CPNE7: variants seen among roughly 807,000 people sequenced by gnomAD.
The protein encoded by CPNE7 is copine-7.
Under a neutral mutation model 66.5 loss-of-function variants are expected in CPNE7, and 78 were observed. The ratio of observed to expected loss-of-function variants is 1.17; its 90% CI spans 0.98 to 1.42. The LOEUF is 1.42. Ranked by LOEUF, CPNE7 falls within the 40% of genes most tolerant of loss-of-function variation. The probability of loss-of-function intolerance (pLI) is 0.00; values close to 1 mark genes in which losing one functional copy is unlikely to be tolerated. For missense variants in CPNE7, 1,012 were observed against 776.6 expected (o/e 1.30, Z -3.60); for synonymous variants, 468 against 336.7 (o/e 1.39, Z -4.27).
At chr16:89,587,675 C>T (rs185450745) in intron 9 of CPNE7, 89 of 406,514 alleles carry the variant, frequency 2.2e-4, no homozygotes, top group African/African-American at 1.5e-3. Context: ...CCGCAGACCC[C>T]GCGTCACCCA....
chr16:89,580,285 A>G (rs1226027003), intron 2 of CPNE7, among the ~76,000 whole-genome samples: 62 of 118,476 alleles, frequency 5.2e-4, no homozygotes, highest in African/African-American at 2.1e-3. Flanking sequence ...CATCTCACCC[A>G]TCACACGGAA....
At chr16:89,583,622 G>C in intron 2 of CPNE7, 75 bp from the exon 3 acceptor site, 1 of 1,608,826 alleles carries the variant, frequency 6.2e-7, no homozygotes. Flanking sequence ...GAGTCCGGGT[G>C]AGGGCGCGGT....
rs1476073549 is a variant in CPNE7 at position 89,580,427 on chromosome 16, A to G, written c.357+2706A>G. 1.9e-4 allele frequency among the ~76,000 whole-genome samples: 23 copies of G among 121,064 alleles called. 1 individual carries two copies. The highest frequency in any genetic ancestry group is 4.8e-4 in the African/African-American group (15 of 31,114). The allele number at this position is 121,064 out of a possible 152,430, so 79.4% of individuals were successfully genotyped here. A position where few individuals can be genotyped will look rare whatever the true frequency, so the allele number is the denominator to read the frequency against. On this transcript the variant is annotated intron_variant, in intron 2 of 14. Coordinates refer to ENST00000319518, the MANE Select transcript of CPNE7 (RefSeq NM_153636.3). ...CGTCACACGGAACATCCCATCACCC[A>G]TCACACAGAACATCTCACCCATCAC...
intron 9 of CPNE7, among the ~76,000 whole-genome samples, chr16:89,588,227 G>A (rs1448722093): frequency 1.5e-4 from 22 of 150,822 alleles, no homozygotes; most frequent in South Asian, 8.4e-4. Flanking sequence ...ACAGATACAC[G>A]GCCCCCGTGT....
Position 89,592,505 on chromosome 16 carries a change from C to T in CPNE7, c.1302+1245C>T, listed in dbSNP as rs142359440. ...CTCTGTCACCCAAGCTGTAGTGGTG[C>T]AATCTCGGCTCACTGCAAGCTCCAC... is the stretch of plus-strand genomic sequence containing the variant. On this transcript the variant is annotated intron_variant, in intron 13 of 14. Coordinates refer to ENST00000319518, the MANE Select transcript of CPNE7 (RefSeq NM_153636.3). Among the ~76,000 whole-genome samples, 142 of 147,712 alleles carry T rather than the reference C, an allele frequency of 9.6e-4. 2 individuals are homozygous for T. The East Asian group carries it at 0.024, about 25-fold the overall frequency.
intron 7 of CPNE7, 149 bp from the exon 8 acceptor site, chr16:89,586,521 C>A: frequency 1.6e-6 from 1 of 630,570 alleles, no homozygotes; most frequent in African/African-American, 1.8e-5. Flanking sequence ...CCACTCTGCC[C>A]CTTCCTGCTG....
At position 89,591,099 on chromosome 16, in the gene CPNE7, G is replaced by A. The variant is rs375803438; in HGVS notation, c.1169-28G>A. On this transcript the variant is annotated intron_variant, in intron 12 of 14. Coordinates refer to ENST00000319518, the MANE Select transcript of CPNE7 (RefSeq NM_153636.3). ...AGGCCTGGGGAGGGGAGTGCAGGGG[G>A]GCCGGGCTCACCCCCTGCCCCCCAC... 2.5e-5 allele frequency: 40 copies of A among 1,613,178 alleles called. No individual in the cohort carries two copies. In the Middle Eastern group the frequency reaches 4.9e-4, roughly 20 times the overall value.
rs376515862 is a variant in CPNE7 at position 89,595,540 on chromosome 16, C to T, written c.1476C>T (p.Ser492=). Residue 492 remains serine, a synonymous_variant, in exon 14 of 15, where the codon TCC becomes TCT. Coordinates refer to ENST00000319518, the MANE Select transcript of CPNE7 (RefSeq NM_153636.3). ...VLDGDDGVLR[S]PRGEPALRDI... is the part of the protein sequence containing the mutation. Reference sequence around the variant, plus strand: ...ACGGCGACGACGGCGTCCTGCGCTCCCCACGGGGTGAGCCCGCGCTCCGGG... The same window carrying T: ...ACGGCGACGACGGCGTCCTGCGCTCTCCACGGGGTGAGCCCGCGCTCCGGG... 5.6e-6 allele frequency: 9 copies of T among 1,612,332 alleles called. No individual in the cohort carries two copies. The African/African-American group carries it at 1.1e-4, about 19-fold the overall frequency.
At chr16:89,585,187 ATCTATT>A (rs1316412672) in intron 5 of CPNE7, among the ~76,000 whole-genome samples, 1 of 152,206 alleles carries the variant, frequency 6.6e-6, no homozygotes, top group Non-Finnish European at 1.5e-5. Flanking sequence ...GTGAAAATGA[ATCTATT>A]TAAGGAAGAG....
In CPNE7 at chr16:89,583,774, G is replaced by A. The variant is rs1385706277; in HGVS notation, c.432+3G>A. 2 of 1,612,608 alleles carry A rather than the reference G, an allele frequency of 1.2e-6. No individual in the cohort carries two copies. Among genetic ancestry groups the A allele is most frequent in the South Asian group, 2.2e-5 (2 of 91,082 alleles). ...ACGCTGGCAAGTCCACCATCACGGTGAGACCCGGGCGCACCCCTGCAGCCT... is the reference window on the plus strand; with the variant it reads ...ACGCTGGCAAGTCCACCATCACGGTAAGACCCGGGCGCACCCCTGCAGCCT... On this transcript the variant is annotated splice_donor_region_variant and intron_variant, in intron 3 of 14. Transcript: ENST00000319518.
chr16:89,578,309 T>C lies in CPNE7; in HGVS notation c.357+588T>C, dbSNP rs148742203. 7.4e-3 allele frequency among the ~76,000 whole-genome samples: 1,127 copies of C among 151,898 alleles called. 19 individuals carry two copies. Among genetic ancestry groups the C allele is most frequent in the African/African-American group, 0.026 (1,073 of 41,482 alleles). ...TGAAATCCTGACCTCGTGATCCGCCTGCCTTGTCCTCCCAAAGTGCTGGGA... is the reference window on the plus strand; with the variant it reads ...TGAAATCCTGACCTCGTGATCCGCCCGCCTTGTCCTCCCAAAGTGCTGGGA... On this transcript the variant is annotated intron_variant, in intron 2 of 14. Coordinates refer to ENST00000319518, the MANE Select transcript of CPNE7 (RefSeq NM_153636.3).
In CPNE7 at chr16:89,596,694, TC is replaced by T; in HGVS notation, c.*76del. The T allele has an allele frequency of 7.1e-7, 1 of 1,416,990 alleles. No individual in the cohort carries two copies. The highest frequency in any genetic ancestry group is 1.5e-5 in the African/African-American group (1 of 68,550). 87.8% of individuals were successfully genotyped at this position (1,416,990 alleles called of 1,614,324 possible). A position where few individuals can be genotyped will look rare whatever the true frequency, so the allele number is the denominator to read the frequency against. ...GCCTCTGTCTGCAACATGCTTGGGG[TC>T]CCTTAAGCTCCCTCCGACCTCCCAG... On this transcript the variant is annotated 3_prime_UTR_variant, in exon 15 of 15. Coordinates refer to ENST00000319518, the MANE Select transcript of CPNE7 (RefSeq NM_153636.3).
chr16:89,589,309 C>T (rs374233319), intron 10 of CPNE7, among the ~76,000 whole-genome samples: 10 of 152,112 alleles, frequency 6.6e-5, no homozygotes, highest in Admixed American at 2.0e-4. Context: ...AGAGACTCTG[C>T]GAGGAAGGGC....
intron 13 of CPNE7, chr16:89,593,998 C>G (rs954547665): frequency 3.9e-5 from 6 of 152,224 alleles, no homozygotes; most frequent in African/African-American, 1.4e-4. Flanking sequence ...ACCACCACTC[C>G]TGGCATTGCA....
chr16:89,582,126 C>T (rs571020250), intron 2 of CPNE7, among the ~76,000 whole-genome samples: 66 of 152,364 alleles, frequency 4.3e-4, no homozygotes, highest in Admixed American at 9.8e-4. Flanking sequence ...GGAGGCCCCT[C>T]GTGGGTTCCT....
chr16:89,588,926 C>T (rs1567962880), intron 10 of CPNE7, 118 bp downstream of exon 10: 1 of 1,276,786 alleles, frequency 7.8e-7, no homozygotes, highest in Non-Finnish European at 1.1e-6. Flanking sequence ...GTGCACCCGG[C>T]CGGTTTTCCC....
At chr16:89,586,336 G>A (rs1391251219) in intron 7 of CPNE7, among the ~76,000 whole-genome samples, 1 of 152,060 alleles carries the variant, frequency 6.6e-6, no homozygotes, top group African/African-American at 2.4e-5. Flanking sequence ...GTGGGGCCAA[G>A]GGGTGCCCTC....
chr16:89,576,966 A>T (rs2058870189), intron 1 of CPNE7, among the ~76,000 whole-genome samples: 1 of 149,020 alleles, frequency 6.7e-6, no homozygotes, highest in African/African-American at 2.5e-5. Context: ...CACCATCCCC[A>T]CGGAGGCCTC....
In CPNE7 at chr16:89,584,483, C is replaced by T. The variant is rs1026249204; in HGVS notation, c.508-291C>T. The stretch of plus-strand genomic sequence containing the variant: ...CAGGGTCCAACCCCGCCATGTAGGG[C>T]GTCTCCCTGGAGGGGCTGAGTCGCA... On this transcript the variant is annotated intron_variant, in intron 4 of 14. Coordinates refer to ENST00000319518, the MANE Select transcript of CPNE7 (RefSeq NM_153636.3). The surrounding 1 kb of genome is among the most constrained non-coding windows in gnomAD (Gnocchi z 6.0). Among the ~76,000 whole-genome samples, 9 of 152,264 alleles carry T rather than the reference C, an allele frequency of 5.9e-5. No individual in the cohort carries two copies. In the Middle Eastern group the frequency reaches 0.01, roughly 173 times the overall value.
Sources: allele counts gnomAD v4.1 joint callset (sites outside exome capture counted in the v4.1 genomes callset), GRCh38; gene constraint gnomAD v4.1.1; non-coding constraint Gnocchi (gnomAD v3.1); transcripts MANE v1.5; gene names NCBI Gene and HGNC (gene_info 2026-07-23, HGNC 2026-07-21).